The following STK32A variants were observed in gnomAD, a reference collection of about 807,000 sequenced individuals.
The protein encoded by STK32A is serine/threonine-protein kinase 32A.
STK32A carries 41 observed loss-of-function variants against 53.2 expected under a neutral mutation model. That is an observed-to-expected ratio of 0.77 (90% CI 0.60 to 1.00). STK32A has a LOEUF of 1.00. Ranked by LOEUF, STK32A falls within the 50% of genes least tolerant of loss-of-function variation. The pLI is 0.00. For missense variants in STK32A, 458 were observed against 485.8 expected (o/e 0.94, Z 0.54); for synonymous variants, 166 against 162.8 (o/e 1.02, Z -0.15).
At chr5:147,275,103 C>A (rs1016432745) in intron 2 of STK32A, among the ~76,000 whole-genome samples, 2 of 152,142 alleles carry the variant, frequency 1.3e-5, no homozygotes, top group African/African-American at 4.8e-5. Flanking sequence ...GTACACTATT[C>A]CACATTCCCC....
At chr5:147,293,511 A>G (rs1752711498) in intron 4 of STK32A, among the ~76,000 whole-genome samples, 1 of 143,986 alleles carries the variant, frequency 6.9e-6, no homozygotes, top group African/African-American at 2.6e-5. Flanking sequence ...AAAAGGACTA[A>G]ATTTTAATTT....
chr5:147,309,711 C>T (rs565686293), intron 4 of STK32A, among the ~76,000 whole-genome samples: 19 of 152,258 alleles, frequency 1.2e-4, no homozygotes, highest in Middle Eastern at 6.8e-3. Flanking sequence ...TAAGAATTTA[C>T]TACTTTTGAG....
At position 147,383,901 on chromosome 5, in the gene STK32A, A is replaced by G; in HGVS notation, c.1109A>G (p.Asp370Gly). ...CTTTTCTTTTTAAGAGTAAACAGGG[A>G]CTTTAACAAAAGACAACCAAATCTA... ...IIFNREKVNRDFNKRQPNLAL... is the reference protein window; with the variant it reads ...IIFNREKVNRGFNKRQPNLAL... Residue 370 changes from aspartate to glycine, a missense_variant, in exon 13 of 13, where the codon GAC becomes GGC. Asp to Gly is a moderately conservative substitution (Grantham distance 94). Transcript: ENST00000397936. 6.4e-7 allele frequency: 1 copy of G among 1,562,168 alleles called. No homozygotes were observed. The highest frequency in any genetic ancestry group is 8.8e-7 in the Non-Finnish European group (1 of 1,141,796).
chr5:147,386,917 C>G lies in STK32A; in HGVS notation c.*2934C>G, dbSNP rs542377169. The G allele has an allele frequency of 6.6e-5, 10 of 152,296 alleles. No homozygotes were observed. The highest frequency in any genetic ancestry group is 2.2e-4 in the African/African-American group (9 of 41,558). The allele number at this position is 152,296 out of a possible 1,614,324, so 9.4% of individuals were successfully genotyped here. A position where few individuals can be genotyped will look rare whatever the true frequency, so the allele number is the denominator to read the frequency against. On this transcript the variant is annotated 3_prime_UTR_variant, in exon 13 of 13. Transcript: ENST00000397936. Reference sequence around the variant, plus strand: ...TGACATCAGATCCTTTGGTTTTATTCTATAACTTGGGCTAAACGTTAATAT... The same window carrying G: ...TGACATCAGATCCTTTGGTTTTATTGTATAACTTGGGCTAAACGTTAATAT...
chr5:147,323,135 C>T (rs984727188), intron 4 of STK32A, among the ~76,000 whole-genome samples: 2 of 152,184 alleles, frequency 1.3e-5, no homozygotes, highest in Non-Finnish European at 2.9e-5. Context: ...TAACTTTGTG[C>T]ATTTCCTCGT....
the STK32A span, among the ~76,000 whole-genome samples, chr5:147,396,443 G>A: frequency 6.6e-6 from 1 of 152,192 alleles, no homozygotes; most frequent in Admixed American, 6.5e-5. Flanking sequence ...ACCCATGGCA[G>A]CGGCACACAA....
intron 4 of STK32A, among the ~76,000 whole-genome samples, chr5:147,287,955 G>A (rs1483328416): frequency 1.3e-5 from 2 of 151,262 alleles, no homozygotes; most frequent in African/African-American, 2.4e-5. Context: ...ATTTCATTCT[G>A]TTCCTTTTTT....
the STK32A span, chr5:147,393,987 C>T: frequency 6.3e-7 from 1 of 1,597,252 alleles, no homozygotes; most frequent in Non-Finnish European, 8.6e-7. Context: ...ATTTTGGCTT[C>T]AAAACAATCT....
chr5:147,374,211 C>T (rs1045027585), intron 10 of STK32A, among the ~76,000 whole-genome samples: 3 of 150,714 alleles, frequency 2.0e-5, no homozygotes, highest in African/African-American at 7.4e-5. Context: ...TCACTTAAGC[C>T]CAGGAGTTTG....
At chr5:147,399,933 G>T in the STK32A span, among the ~76,000 whole-genome samples, 1 of 152,130 alleles carries the variant, frequency 6.6e-6, no homozygotes. Context: ...GCCTCTTTAC[G>T]GAAAGAATTG....
chr5:147,304,172 A>C (rs889127351), intron 4 of STK32A, among the ~76,000 whole-genome samples: 1 of 152,212 alleles, frequency 6.6e-6, no homozygotes, highest in Non-Finnish European at 1.5e-5. Context: ...GTCAGCTCCA[A>C]CCAATTTTCT....
the STK32A span, chr5:147,401,870 T>C: frequency 1.5e-6 from 1 of 648,690 alleles, no homozygotes; most frequent in Non-Finnish European, 2.4e-6. Flanking sequence ...ATCTGCTAAA[T>C]GTGACCAAGT....
intron 4 of STK32A, among the ~76,000 whole-genome samples, chr5:147,308,865 T>A (rs895678813): frequency 2.6e-5 from 4 of 151,702 alleles, no homozygotes; most frequent in African/African-American, 9.7e-5. Flanking sequence ...AAATGCTAGT[T>A]GGTCATGTTC....
At chr5:147,358,418 G>C (rs970448755) in intron 7 of STK32A, among the ~76,000 whole-genome samples, 4 of 152,122 alleles carry the variant, frequency 2.6e-5, no homozygotes, top group African/African-American at 9.6e-5. Context: ...ATCACCAACA[G>C]TTCCCCTGCC....
intron 2 of STK32A, 38 bp from the exon 3 acceptor site, chr5:147,278,086 G>C: frequency 8.6e-6 from 13 of 1,507,254 alleles, no homozygotes; most frequent in Non-Finnish European, 1.2e-5. Flanking sequence ...AAGAGAAATT[G>C]ATAATTACTC....
chr5:147,301,527 A>G (rs1753135237), intron 4 of STK32A, among the ~76,000 whole-genome samples: 1 of 152,146 alleles, frequency 6.6e-6, no homozygotes, highest in Admixed American at 6.5e-5. Flanking sequence ...GAGCACTAGA[A>G]AGTCTTTTGT....
chr5:147,300,780 T>C (rs534225941), intron 4 of STK32A, among the ~76,000 whole-genome samples: 1 of 152,360 alleles, frequency 6.6e-6, no homozygotes, highest in East Asian at 1.9e-4. Context: ...TTATGTTTGG[T>C]ATTTTACTTA....
At chr5:147,363,828 T>A (rs975389046) in intron 8 of STK32A, among the ~76,000 whole-genome samples, 1 of 152,188 alleles carries the variant, frequency 6.6e-6, no homozygotes, top group Non-Finnish European at 1.5e-5. Context: ...GCTTTTTGCT[T>A]AATTATTTTT....
intron 11 of STK32A, among the ~76,000 whole-genome samples, chr5:147,380,120 A>G (rs983779767): frequency 3.3e-5 from 5 of 151,896 alleles, no homozygotes; most frequent in African/African-American, 7.3e-5. Flanking sequence ...TAGTAGAGGG[A>G]AAAAAAATCC....
Sources: gnomAD v4.1 joint callset for allele counts (sites outside exome capture counted in the v4.1 genomes callset) on GRCh38, gnomAD v4.1.1 for gene constraint, MANE v1.5 for transcripts, NCBI Gene and HGNC (gene_info 2026-07-23, HGNC 2026-07-21) for gene names.